The following POLR1C variants were observed in gnomAD, a reference collection of about 807,000 sequenced individuals.
The protein encoded by POLR1C is RNA polymerase I and III subunit C, also known as DNA-directed RNA polymerases I and III subunit RPAC1.
A neutral mutation model predicts 38.3 loss-of-function variants in POLR1C; 42 were observed. The observed-to-expected ratio is 1.10, with a 90% CI of 0.86 to 1.42. The LOEUF (loss-of-function observed/expected upper bound fraction) is 1.42. POLR1C is among the 40% of genes most tolerant of loss of function. The pLI, the probability that POLR1C is intolerant of heterozygous loss-of-function variation, is 0.00. For synonymous variants in POLR1C, 163 were observed against 163.9 expected (o/e 0.99, Z 0.04); for missense variants, 507 against 450.5 (o/e 1.13, Z -1.14).
intron 9 of POLR1C, among the ~76,000 whole-genome samples, chr6:43,538,176 G>GCT (rs1794469532): frequency 1.1e-5 from 1 of 94,038 alleles, no homozygotes; most frequent in Admixed American, 1.7e-4. Context: ...TTGAAACAGA[G>GCT]ATTTGCTCTG....
chr6:43,524,385 G>A, downstream of POLR1C: 1 of 1,453,238 alleles, frequency 6.9e-7, no homozygotes, highest in South Asian at 1.4e-5. Flanking sequence ...CACCATAATG[G>A]TCAATAACTA....
At position 43,537,195 on chromosome 6, in the gene POLR1C, C is replaced by G. The variant is rs568284339; in HGVS notation, c.*4+7836C>G. Among the ~76,000 whole-genome samples, 9 of 146,494 alleles carry G rather than the reference C, an allele frequency of 6.1e-5. No homozygotes were observed. The East Asian group carries it at 1.8e-3, about 29-fold the overall frequency. ...CTGTGTTGCCCAGGCTGGTCTCAAA[C>G]TCCTGGCCCCAAGAGATCCTCCTGC... On this transcript the variant is annotated intron_variant, in intron 9 of 10. Transcript: ENST00000607635.
chr6:43,556,926 G>C (rs1762121133), intron 10 of POLR1C, among the ~76,000 whole-genome samples: 1 of 151,828 alleles, frequency 6.6e-6, no homozygotes. Flanking sequence ...TCGGGAGTTC[G>C]AGACCAGCCT....
At chr6:43,523,550 A>C, downstream of POLR1C, 1 of 517,698 alleles carries the variant, frequency 1.9e-6, no homozygotes, top group South Asian at 1.7e-5. Context: ...ATGTGGCTGC[A>C]CGGGGGTGGG....
downstream of POLR1C, chr6:43,524,881 C>T (rs747834363): frequency 2.5e-6 from 4 of 1,613,856 alleles, no homozygotes; most frequent in Non-Finnish European, 3.4e-6. Flanking sequence ...GCCATGCACC[C>T]GTCGTGCTGC....
At chr6:43,525,491 C>G (rs903786579), downstream of POLR1C, 1 of 502,540 alleles carries the variant, frequency 2.0e-6, no homozygotes, top group Non-Finnish European at 3.5e-6. Flanking sequence ...AGTTTACTTC[C>G]TCTATTTTTG....
intron 2 of POLR1C, among the ~76,000 whole-genome samples, chr6:43,518,617 G>A (rs997600814): frequency 2.0e-5 from 3 of 152,132 alleles, no homozygotes; most frequent in Non-Finnish European, 4.4e-5. Flanking sequence ...GGTGGAAGTC[G>A]ATCATCAGAG....
At chr6:43,526,548 A>C in intron 8 of POLR1C, 5 of 947,314 alleles carry the variant, frequency 5.3e-6, no homozygotes, top group Non-Finnish European at 8.2e-6. Flanking sequence ...GCACACAGCA[A>C]GAGGGCTGGT....
chr6:43,547,179 A>G (rs1795005048), intron 9 of POLR1C: 2 of 347,956 alleles, frequency 5.7e-6, no homozygotes, highest in Non-Finnish European at 5.4e-6. Context: ...TGCCAGGTTA[A>G]TTAATGGGAC....
At chr6:43,528,806 C>T (rs771432017) in intron 8 of POLR1C, 1 of 1,608,900 alleles carries the variant, frequency 6.2e-7, no homozygotes, top group Non-Finnish European at 8.5e-7. Flanking sequence ...TCTTTGCTTC[C>T]TGTTCCTGAC....
chr6:43,544,814 G>T (rs914872552), intron 9 of POLR1C, among the ~76,000 whole-genome samples: 1 of 152,070 alleles, frequency 6.6e-6, no homozygotes, highest in Non-Finnish European at 1.5e-5. Context: ...CTCAGTACAA[G>T]TCCTACTTCT....
At chr6:43,524,010 G>A, downstream of POLR1C, 2 of 1,611,502 alleles carry the variant, frequency 1.2e-6, no homozygotes, top group African/African-American at 1.3e-5. Flanking sequence ...GGGTTTCTGT[G>A]GAAAACAAAT....
At chr6:43,562,184 TAA>T (rs1291571569) in exon 11 of POLR1C, 2 of 1,373,166 alleles carry the variant, frequency 1.5e-6, no homozygotes, top group African/African-American at 1.4e-5. Context: ...CATTGAAACA[TAA>T]GTTTCTAAAT....
At chr6:43,546,384 T>G (rs532911282) in intron 9 of POLR1C, among the ~76,000 whole-genome samples, 1 of 152,242 alleles carries the variant, frequency 6.6e-6, no homozygotes, top group African/African-American at 2.4e-5. Flanking sequence ...ACATGGAAAT[T>G]AAGATTTATG....
chr6:43,557,783 TAAAAAA>T (rs59661301), intron 10 of POLR1C, among the ~76,000 whole-genome samples: 2 of 87,228 alleles, frequency 2.3e-5, no homozygotes, highest in African/African-American at 4.2e-5. Context: ...AATAAAGCTG[TAAAAAA>T]AAAAAAAAAA....
chr6:43,558,449 C>T, intron 10 of POLR1C: 1 of 1,474,712 alleles, frequency 6.8e-7, no homozygotes, highest in African/African-American at 1.4e-5. Flanking sequence ...ATTCATAATA[C>T]TAGATGCCAT....
At chr6:43,525,819 C>T (rs998561184), downstream of POLR1C, 10 of 1,613,522 alleles carry the variant, frequency 6.2e-6, no homozygotes, top group Non-Finnish European at 7.6e-6. Context: ...GTAAAGGTAT[C>T]ACCTGCTCCT....
At chr6:43,560,391 C>G in intron 10 of POLR1C, 1 of 1,434,550 alleles carries the variant, frequency 7.0e-7, no homozygotes. Context: ...TACATTTTTT[C>G]ATAGAAATAA....
rs1399100289 is a variant in POLR1C at position 43,521,311 on chromosome 6, TTC to T, written c.*13_*14del. On this transcript the variant is annotated 3_prime_UTR_variant, in exon 9 of 9. Coordinates refer to ENST00000642195, the MANE Select transcript of POLR1C (RefSeq NM_203290.4). ...GTTCAGATGGACTGAGCTTGGATGC[TTC>T]TGAGGCAAGCTGAAGCTTTGGGTTC... is the stretch of plus-strand genomic sequence containing the variant. The T allele has an allele frequency of 1.9e-6, 3 of 1,611,934 alleles. No individual in the cohort carries two copies. The highest frequency in any genetic ancestry group is 2.5e-6 in the Non-Finnish European group (3 of 1,179,934).
Sources: allele counts gnomAD v4.1 joint callset (sites outside exome capture counted in the v4.1 genomes callset), GRCh38; gene constraint gnomAD v4.1.1; transcripts MANE v1.5; gene names NCBI Gene and HGNC (gene_info 2026-07-23, HGNC 2026-07-21).